The following ZFHX3 variants were observed in gnomAD, a reference collection of about 807,000 sequenced individuals.
The protein encoded by ZFHX3 is zinc finger homeobox protein 3.
Under a neutral mutation model 279.1 loss-of-function variants are expected in ZFHX3, and 42 were observed. The observed-to-expected ratio is 0.15, with a 90% CI of 0.12 to 0.19. The LOEUF (loss-of-function observed/expected upper bound fraction) is 0.19, where lower values mean the gene tolerates loss of function less well. Ranked by LOEUF, ZFHX3 falls within the 10% of genes least tolerant of loss-of-function variation. The probability of loss-of-function intolerance (pLI) is 1.00; values close to 1 mark genes in which losing one functional copy is unlikely to be tolerated. For missense variants in ZFHX3, 4,981 were observed against 4,754.0 expected (o/e 1.05, Z -1.40); for synonymous variants, 2,293 against 1,957.8 (o/e 1.17, Z -4.52).
Position 73,811,594 on chromosome 16 carries a change from G to A in ZFHX3, c.-1608+80057C>T, listed in dbSNP as rs556870359. 6.6e-5 allele frequency among the ~76,000 whole-genome samples: 10 copies of A among 151,896 alleles called. No homozygotes were observed. The South Asian group carries it at 1.0e-3, about 16-fold the overall frequency. On this transcript the variant is annotated intron_variant, in intron 1 of 17. Coordinates refer to the ZFHX3 transcript ENST00000641206. ...GGAGTAGCTGGGACTACAGGCACGCGCGCCAACACGCCTGGCTAATTTTTG... is the reference window on the plus strand; with the variant it reads ...GGAGTAGCTGGGACTACAGGCACGCACGCCAACACGCCTGGCTAATTTTTG...
chr16:73,676,377 A>G (rs1272903927), intron 2 of ZFHX3, among the ~76,000 whole-genome samples: 1 of 147,152 alleles, frequency 6.8e-6, no homozygotes, highest in African/African-American at 2.5e-5. Flanking sequence ...AGTATGCTAA[A>G]CTCTTCCATT....
At chr16:72,915,046 G>A (rs1400948176) in intron 3 of ZFHX3, among the ~76,000 whole-genome samples, 2 of 152,056 alleles carry the variant, frequency 1.3e-5, no homozygotes, top group African/African-American at 2.4e-5. Context: ...AGTAGCCTAC[G>A]TTATTCAAAA....
chr16:73,341,408 A>G (rs2016031712), intron 3 of ZFHX3, among the ~76,000 whole-genome samples: 2 of 152,212 alleles, frequency 1.3e-5, no homozygotes, highest in African/African-American at 4.8e-5. Flanking sequence ...TGAACAGATG[A>G]TTCCAAAAAA....
intron 2 of ZFHX3, among the ~76,000 whole-genome samples, chr16:73,656,309 T>C (rs1226361631): frequency 6.6e-6 from 1 of 152,010 alleles, no homozygotes; most frequent in Non-Finnish European, 1.5e-5. Context: ...CTTGCAAGCA[T>C]AATGTTGACC....
intron 3 of ZFHX3, among the ~76,000 whole-genome samples, chr16:73,350,327 A>G (rs2016214986): frequency 6.6e-6 from 1 of 152,206 alleles, no homozygotes; most frequent in African/African-American, 2.4e-5. Context: ...ATTGGCTGAC[A>G]GGGTTTGGGA....
At chr16:73,094,101 C>T (rs1966127186) in intron 7 of ZFHX3, among the ~76,000 whole-genome samples, 2 of 152,176 alleles carry the variant, frequency 1.3e-5, no homozygotes, top group South Asian at 2.1e-4. Context: ...AAGCTAGGCG[C>T]TCAATAGCTT....
At chr16:73,627,901 G>C (rs2052433621) in intron 2 of ZFHX3, among the ~76,000 whole-genome samples, 1 of 152,166 alleles carries the variant, frequency 6.6e-6, no homozygotes, top group South Asian at 2.1e-4. Flanking sequence ...CTGGGCGACA[G>C]AGCAAGACTC....
intron 3 of ZFHX3, among the ~76,000 whole-genome samples, chr16:72,947,031 G>T (rs769472719): frequency 2.0e-5 from 3 of 152,208 alleles, no homozygotes; most frequent in Non-Finnish European, 4.4e-5. Context: ...CAATCACGGG[G>T]ATCCCAAGAC....
chr16:73,334,373 G>A (rs1054566345), intron 3 of ZFHX3, among the ~76,000 whole-genome samples: 6 of 152,184 alleles, frequency 3.9e-5, no homozygotes, highest in Non-Finnish European at 5.9e-5. Flanking sequence ...GGGCATGAAG[G>A]CAGTGAGAGC....
chr16:72,847,552 AG>A (rs1277338117), intron 4 of ZFHX3, among the ~76,000 whole-genome samples: 1 of 151,962 alleles, frequency 6.6e-6, no homozygotes, highest in South Asian at 2.1e-4. Flanking sequence ...GAGCACCCCC[AG>A]GGCAGCTGAT....
At chr16:72,967,240 A>G (rs1961884614) in intron 1 of ZFHX3, among the ~76,000 whole-genome samples, 1 of 152,240 alleles carries the variant, frequency 6.6e-6, no homozygotes, top group Admixed American at 6.5e-5. Context: ...CCTTGGAGAC[A>G]TGGCCAATTC....
chr16:73,756,796 C>G (rs1168592466), intron 1 of ZFHX3, among the ~76,000 whole-genome samples: 1 of 151,626 alleles, frequency 6.6e-6, no homozygotes, highest in Non-Finnish European at 1.5e-5. Context: ...CCTCAAGCCC[C>G]TATTGTGTGT....
At chr16:73,536,790 G>GT (rs1288153276) in intron 2 of ZFHX3, among the ~76,000 whole-genome samples, 1 of 152,114 alleles carries the variant, frequency 6.6e-6, no homozygotes, top group African/African-American at 2.4e-5. Context: ...AGAGGACTAT[G>GT]TTTCCAGGCT....
At chr16:73,007,572 G>A (rs981364792) in intron 1 of ZFHX3, among the ~76,000 whole-genome samples, 9 of 151,990 alleles carry the variant, frequency 5.9e-5, no homozygotes, top group Non-Finnish European at 1.0e-4. Context: ...TCAGCTTCCC[G>A]AGTAACTGGG....
chr16:73,334,807 A>ATTTTTT (rs1224756669), intron 3 of ZFHX3, among the ~76,000 whole-genome samples: 3 of 28,496 alleles, frequency 1.1e-4, no homozygotes, highest in African/African-American at 4.3e-4. Flanking sequence ...TTTCTTTCTC[A>ATTTTTT]TTCTTTTTTT....
rs200057022 is a variant in ZFHX3 at position 72,957,412 on chromosome 16, C to G, written c.2719+15G>C. 1.3e-6 allele frequency: 2 copies of G among 1,587,168 alleles called. No homozygotes were observed. Among genetic ancestry groups the G allele is most frequent in the Non-Finnish European group, 1.7e-6 (2 of 1,165,932 alleles). ...CTCCTATCATGAAAACAGACAAACACGTAGTCATCCTCACCTAGAGCAGGC... is the reference window on the plus strand; with the variant it reads ...CTCCTATCATGAAAACAGACAAACAGGTAGTCATCCTCACCTAGAGCAGGC... On this transcript the variant is annotated intron_variant, in intron 2 of 9. Coordinates refer to ENST00000268489, the MANE Select transcript of ZFHX3 (RefSeq NM_006885.4).
intron 1 of ZFHX3, chr16:73,793,980 C>T (rs1263279913): frequency 1.3e-5 from 2 of 152,104 alleles, no homozygotes. Flanking sequence ...AAAATTTTGA[C>T]ATCACATGCT....
chr16:73,034,411 AG>A (rs1035532807), intron 1 of ZFHX3, among the ~76,000 whole-genome samples: 33 of 152,208 alleles, frequency 2.2e-4, no homozygotes, highest in African/African-American at 8.0e-4. Flanking sequence ...AGCCTCTAAG[AG>A]AAAGTCCCCT....
chr16:73,032,495 A>G (rs1004957355), intron 1 of ZFHX3, among the ~76,000 whole-genome samples: 7 of 152,276 alleles, frequency 4.6e-5, no homozygotes, highest in South Asian at 4.2e-4. Flanking sequence ...CGCCATAGTC[A>G]GACTTCACGA....
Sources: allele counts gnomAD v4.1 joint callset (sites outside exome capture counted in the v4.1 genomes callset), GRCh38; gene constraint gnomAD v4.1.1; transcripts MANE v1.5; gene names NCBI Gene and HGNC (gene_info 2026-07-23, HGNC 2026-07-21).